Variants in THEMIS2 observed in about 807,000 individuals in gnomAD.
The protein encoded by THEMIS2 is thymocyte selection associated family member 2, also known as protein THEMIS2.
In THEMIS2, 29 loss-of-function variants were observed where a neutral mutation model predicts 46.8. The observed-to-expected ratio is 0.62, with a 90% CI of 0.46 to 0.84. THEMIS2 has a LOEUF of 0.84. Ranked by LOEUF, THEMIS2 falls within the 40% of genes least tolerant of loss-of-function variation. The pLI, the probability that THEMIS2 is intolerant of heterozygous loss-of-function variation, is 0.00. For missense variants in THEMIS2, 698 were observed against 834.7 expected (o/e 0.84, Z 2.02); for synonymous variants, 335 against 349.1 (o/e 0.96, Z 0.45).
In THEMIS2 at chr1:27,885,909, A is replaced by G; in HGVS notation, c.1919A>G (p.Gln640Arg). 6.2e-7 allele frequency: 1 copy of G among 1,614,084 alleles called. No individual in the cohort carries two copies. The highest frequency in any genetic ancestry group is 8.5e-7 in the Non-Finnish European group (1 of 1,180,000). Reference protein sequence around the residue: ...HDYEEILEQFQKTI With the variant: ...HDYEEILEQFRKTI Reference sequence around the variant, plus strand: ...TATGAAGAAATACTTGAGCAATTTCAGAAAACCATCTAAGTGCTGGAGGAA... The same window carrying G: ...TATGAAGAAATACTTGAGCAATTTCGGAAAACCATCTAAGTGCTGGAGGAA... Residue 640 changes from glutamine (Q) to arginine (R), a missense_variant, in exon 6 of 6, where the codon CAG becomes CGG. Coordinates refer to ENST00000373921, the MANE Select transcript of THEMIS2 (RefSeq NM_001105556.3).
rs1301555758 is a variant in THEMIS2 at position 27,882,275 on chromosome 1, A to G, written c.951A>G (p.Ser317=). The G allele has an allele frequency of 6.2e-7, 1 of 1,607,220 alleles. No individual in the cohort carries two copies. Among genetic ancestry groups the G allele is most frequent in the African/African-American group, 1.3e-5 (1 of 74,786 alleles). The change falls in exon 4 of 6, where the codon TCA becomes TCG. Residue 317 remains serine (S), a synonymous_variant. Coordinates refer to ENST00000373921, the MANE Select transcript of THEMIS2 (RefSeq NM_001105556.3). The surrounding 1 kb of genome is among the most constrained non-coding windows in gnomAD (Gnocchi z 7.6). The part of the protein sequence containing the change: ...GRKVPRHFLV[S]GGYQGKLRRR... ...AGGTGCCCAGGCACTTCCTGGTGTC[A>G]GGGGGCTACCAAGGCAAGCTGCGGC... is the stretch of plus-strand genomic sequence containing the variant.
Position 27,872,678 on chromosome 1 carries a change from T to C in THEMIS2, c.94+13T>C. 7.4e-7 allele frequency: 1 copy of C among 1,358,120 alleles called. No homozygotes were observed. Among genetic ancestry groups the C allele is most frequent in the Non-Finnish European group, 9.5e-7 (1 of 1,049,928 alleles). 84.1% of individuals were successfully genotyped at this position (1,358,120 alleles called of 1,614,324 possible). On this transcript the variant is annotated intron_variant, in intron 1 of 5. Coordinates refer to ENST00000373921, the MANE Select transcript of THEMIS2 (RefSeq NM_001105556.3). The surrounding 1 kb of genome is among the most constrained non-coding windows in gnomAD (Gnocchi z 4.9). ...GTCTACTTCGAGGGTGAGCGGGGGC[T>C]GGAACCCCTCCGAGCACTCCCTTGG...
rs774911975 is a variant in THEMIS2 at position 27,876,645 on chromosome 1, A to G, written c.152A>G (p.Lys51Arg). ...ECCLSTGDLIKVTQVRLQKVV... is the reference protein window; with the variant it reads ...ECCLSTGDLIRVTQVRLQKVV... ...TGCCTCTCCACGGGGGACCTGATCA[A>G]GGTCACCCAGGTCCGCCTCCAGAAG... The change falls in exon 2 of 6, where the codon AAG (lysine) becomes AGG (arginine). Residue 51 changes from lysine to arginine, a missense_variant. By Grantham distance (26) the Lys-to-Arg change is conservative. Transcript: ENST00000373921. 1.8e-5 allele frequency: 29 copies of G among 1,613,932 alleles called. No individual in the cohort carries two copies. The highest frequency in any genetic ancestry group is 2.5e-5 in the Non-Finnish European group (29 of 1,179,996).
chr1:27,881,150 A>G (rs1041068461), intron 3 of THEMIS2, among the ~76,000 whole-genome samples: 3 of 151,532 alleles, frequency 2.0e-5, no homozygotes, highest in Non-Finnish European at 4.4e-5. Context: ...AAAAATAGTA[A>G]TTTTTTTAAG....
At position 27,882,357 on chromosome 1, in the gene THEMIS2, C is replaced by T. The variant is rs367718483; in HGVS notation, c.1033C>T (p.Arg345Trp). 1.1e-4 allele frequency: 177 copies of T among 1,581,860 alleles called. No homozygotes were observed. Among genetic ancestry groups the T allele is most frequent in the Non-Finnish European group, 1.4e-4 (160 of 1,161,118 alleles). Residue 345 changes from arginine (R) to tryptophan (W), a missense_variant, in exon 4 of 6, where the codon CGG (arginine) becomes TGG (tryptophan). Arg to Trp is a moderately radical substitution (Grantham distance 101, BLOSUM62 -3). Coordinates refer to ENST00000373921, the MANE Select transcript of THEMIS2 (RefSeq NM_001105556.3). This position sits in a 1 kb window ranked among gnomAD's most constrained non-coding sequence, Gnocchi z 7.6. ...YDLLGAFQPG[R>W]PLRVVATKDC... Reference sequence around the variant, plus strand: ...CCTCCTAGGTGCTTTCCAGCCAGGCCGGCCACTCCGGGTGGTGGCCACAAA... The same window carrying T: ...CCTCCTAGGTGCTTTCCAGCCAGGCTGGCCACTCCGGGTGGTGGCCACAAA...
chr1:27,876,507 AGAG>A, intron 1 of THEMIS2, 78 bp from the exon 2 acceptor site: 1 of 1,540,804 alleles, frequency 6.5e-7, no homozygotes, highest in East Asian at 2.3e-5. Context: ...ATGGCAGAGC[AGAG>A]CTTGTTGGGC....
At chr1:27,884,400 T>A (rs963534721) in intron 4 of THEMIS2, 3 of 152,282 alleles carry the variant, frequency 2.0e-5, no homozygotes, top group African/African-American at 7.2e-5. Flanking sequence ...AGGCAGCAGG[T>A]GGCAGTGGAA....
At chr1:27,873,652 G>C (rs1379217967) in intron 1 of THEMIS2, among the ~76,000 whole-genome samples, 1 of 152,126 alleles carries the variant, frequency 6.6e-6, no homozygotes, top group African/African-American at 2.4e-5. Flanking sequence ...GTCTCTCCAG[G>C]TCTGCTTGGG....
chr1:27,877,901 G>C (rs1571580649), intron 2 of THEMIS2, among the ~76,000 whole-genome samples: 1 of 152,188 alleles, frequency 6.6e-6, no homozygotes, highest in East Asian at 2.0e-4. Flanking sequence ...TGTGATCCCA[G>C]CTCTTTGGGA....
chr1:27,883,053 T>C lies in THEMIS2; in HGVS notation c.1719+10T>C. 1 of 1,608,010 alleles carries C rather than the reference T, an allele frequency of 6.2e-7. No homozygotes were observed. Among genetic ancestry groups the C allele is most frequent in the Non-Finnish European group, 8.5e-7 (1 of 1,176,386 alleles). On this transcript the variant is annotated intron_variant, in intron 4 of 5. Transcript: ENST00000373921. ...TGAGGGAGGCGTCAAGGTACTAGTA[T>C]AATCCCAGAGGGCACGGAGGGGTCA... is the stretch of plus-strand genomic sequence containing the variant.
chr1:27,885,071 AC>A (rs368197669), intron 4 of THEMIS2: 10 of 461,470 alleles, frequency 2.2e-5, no homozygotes, highest in African/African-American at 1.8e-4. Flanking sequence ...CCTGTCTCCA[AC>A]CCCCAACCCT....
Position 27,886,622 on chromosome 1 carries a change from C to G in THEMIS2, c.*700C>G, listed in dbSNP as rs1444623181. 6.6e-6 allele frequency: 1 copy of G among 152,106 alleles called. No individual in the cohort carries two copies. Among genetic ancestry groups the G allele is most frequent in the African/African-American group, 2.4e-5 (1 of 41,396 alleles). 9.4% of individuals were successfully genotyped at this position (152,106 alleles called of 1,614,324 possible). A position where few individuals can be genotyped will look rare whatever the true frequency, so the allele number is the denominator to read the frequency against. On this transcript the variant is annotated 3_prime_UTR_variant, in exon 6 of 6. Coordinates refer to ENST00000373921, the MANE Select transcript of THEMIS2 (RefSeq NM_001105556.3). The stretch of plus-strand genomic sequence containing the variant: ...GTCGTCAAAGTTGTAAGTGACTAAC[C>G]AAGATTATTTCATTTTAAAACCATA...
At chr1:27,876,966 G>C (rs1571578893) in intron 2 of THEMIS2, among the ~76,000 whole-genome samples, 1 of 152,212 alleles carries the variant, frequency 6.6e-6, no homozygotes, top group African/African-American at 2.4e-5. Context: ...ACCTGCCTCT[G>C]TTCCAAGCCC....
chr1:27,876,982 A>G (rs942206649), intron 2 of THEMIS2, among the ~76,000 whole-genome samples: 1 of 152,206 alleles, frequency 6.6e-6, no homozygotes, highest in Non-Finnish European at 1.5e-5. Flanking sequence ...AGCCCTGTCC[A>G]GGTGCCTGTC....
At position 27,885,465 on chromosome 1, in the gene THEMIS2, G is replaced by A; in HGVS notation, c.1876+14G>A. 1 of 1,611,612 alleles carries A rather than the reference G, an allele frequency of 6.2e-7. No individual in the cohort carries two copies. The highest frequency in any genetic ancestry group is 1.8e-4 in the Middle Eastern group (1 of 5,596). On this transcript the variant is annotated intron_variant, in intron 5 of 5. Transcript: ENST00000373921. The stretch of plus-strand genomic sequence containing the variant: ...GGCAGGATCTAGGTGAGTCCCTGTG[G>A]GCGCTGCTCACCCTTGTCCTTGTGT...
chr1:27,885,844 C>T (rs2089761678), intron 5 of THEMIS2, 23 bp from the exon 6 acceptor site: 1 of 1,612,872 alleles, frequency 6.2e-7, no homozygotes, highest in African/African-American at 1.3e-5. Flanking sequence ...TAAAGATCCT[C>T]ATTGACTCGG....
intron 2 of THEMIS2, among the ~76,000 whole-genome samples, chr1:27,877,055 G>A (rs140194693): frequency 4.6e-5 from 7 of 152,322 alleles, no homozygotes; most frequent in African/African-American, 1.2e-4. Flanking sequence ...GCCAGGCTCC[G>A]TGTGGCGGGC....
In THEMIS2 at chr1:27,882,189, C is replaced by A. The variant is rs2089691934; in HGVS notation, c.865C>A (p.Leu289Ile). ...WVGSLQKGQRLCVYGLASPPW... is the reference protein window; with the variant it reads ...WVGSLQKGQRICVYGLASPPW... The stretch of plus-strand genomic sequence containing the variant: ...GGGCTCCTTGCAAAAAGGCCAGAGG[C>A]TTTGCGTCTATGGCCTAGCCTCACC... Residue 289 changes from leucine to isoleucine, a missense_variant, in exon 4 of 6, where the codon CTT becomes ATT. Coordinates refer to ENST00000373921, the MANE Select transcript of THEMIS2 (RefSeq NM_001105556.3). The surrounding 1 kb of genome is among the most constrained non-coding windows in gnomAD (Gnocchi z 7.6). 6.2e-7 allele frequency: 1 copy of A among 1,613,700 alleles called. No individual in the cohort carries two copies. Among genetic ancestry groups the A allele is most frequent in the Non-Finnish European group, 8.5e-7 (1 of 1,179,854 alleles).
chr1:27,879,552 C>A, intron 2 of THEMIS2, 92 bp from the exon 3 acceptor site: 1 of 1,187,672 alleles, frequency 8.4e-7, no homozygotes, highest in Non-Finnish European at 1.2e-6. Context: ...GCTGGGTCAT[C>A]TGCAGGGCCA....
Sources: allele counts gnomAD v4.1 joint callset (sites outside exome capture counted in the v4.1 genomes callset), GRCh38; gene constraint gnomAD v4.1.1; non-coding constraint Gnocchi (gnomAD v3.1); transcripts MANE v1.5; gene names NCBI Gene and HGNC (gene_info 2026-07-23, HGNC 2026-07-21).